PRAME: variants seen among roughly 807,000 people sequenced by gnomAD.
PRAME encodes the protein PRAME nuclear receptor transcriptional regulator.
In PRAME, 21 loss-of-function variants were observed where a neutral mutation model predicts 32.1. The observed-to-expected ratio is 0.65, with a 90% CI of 0.46 to 0.94. The LOEUF is 0.94. Among genes scored for constraint, PRAME ranks in the 40% least tolerant of loss-of-function variants. The pLI is 0.00. For synonymous variants in PRAME, 274 were observed against 251.5 expected, an observed-to-expected ratio of 1.09 and a Z score of -0.85; for missense variants, 651 against 622.3, an observed-to-expected ratio of 1.05 and a Z score of -0.49.
At position 22,547,879 on chromosome 22, in the gene PRAME, AC is replaced by A; in HGVS notation, c.*187del. 1 of 641,592 alleles carries A rather than the reference AC, an allele frequency of 1.6e-6. No individual in the cohort carries two copies. The highest frequency in any genetic ancestry group is 2.7e-6 in the Non-Finnish European group (1 of 372,128). The allele number at this position is 641,592 out of a possible 1,614,324, so 39.7% of individuals were successfully genotyped here. A position where few individuals can be genotyped will look rare whatever the true frequency, so the allele number is the denominator to read the frequency against. Reference sequence around the variant, plus strand: ...TAACTCCTCAAGTCAACATCTGCCTACCCCCAACTTCCCCTTTTTTTCCTCA... The same window carrying A: ...TAACTCCTCAAGTCAACATCTGCCTACCCCAACTTCCCCTTTTTTTCCTCA... On this transcript the variant is annotated 3_prime_UTR_variant, in exon 6 of 6. Coordinates refer to ENST00000405655, the MANE Select transcript of PRAME (RefSeq NM_206956.3).
In PRAME at chr22:22,550,004, C is replaced by G. The variant is rs768832668; in HGVS notation, c.675G>C (p.Met225Ile). The stretch of plus-strand genomic sequence containing the variant: ...AGTCCAGCTGCACCATTTTCAGGAT[C>G]ATCTTGATATCCTGCATGGGCATTG... The part of the protein sequence containing the change: ...IFAMPMQDIK[M>I]ILKMVQLDSI... Residue 225 changes from methionine to isoleucine, a missense_variant, in exon 5 of 6, where the codon ATG becomes ATC. By Grantham distance (10) the Met-to-Ile change is conservative. Coordinates refer to ENST00000405655, the MANE Select transcript of PRAME (RefSeq NM_206956.3). 2.0e-5 allele frequency: 32 copies of G among 1,613,742 alleles called. No homozygotes were observed. In the South Asian group the frequency reaches 3.4e-4, roughly 17 times the overall value.
chr22:22,553,498 G>C (rs954823097), intron 3 of PRAME, among the ~76,000 whole-genome samples: 1 of 151,926 alleles, frequency 6.6e-6, no homozygotes, highest in Non-Finnish European at 1.5e-5. Context: ...AAATTAAAAA[G>C]GGGAATGGCT....
chr22:22,555,726 C>G (rs1601835060), intron 3 of PRAME: 5 of 394,904 alleles, frequency 1.3e-5, no homozygotes, highest in South Asian at 9.5e-5. Context: ...AGTTCCAGCA[C>G]AAGTCTCCCG....
intron 3 of PRAME, chr22:22,552,743 G>C (rs1443134482): frequency 4.6e-6 from 2 of 436,902 alleles, no homozygotes; most frequent in East Asian, 1.5e-4. Flanking sequence ...GGCCCTCATG[G>C]CCCGTGGAGA....
At chr22:22,556,970 A>G in intron 2 of PRAME, 61 bp from the exon 3 acceptor site, 1 of 1,140,122 alleles carries the variant, frequency 8.8e-7, no homozygotes, top group Non-Finnish European at 1.3e-6. Context: ...TTACGAAGCA[A>G]CGGCCTCCTG....
rs901076845 is a variant in PRAME at position 22,556,702 on chromosome 22, C to T, written c.21+110G>A. 36 of 1,311,312 alleles carry T rather than the reference C, an allele frequency of 2.7e-5. 1 individual carries two copies. The Admixed American group carries it at 2.8e-4, about 10-fold the overall frequency. The allele number at this position is 1,311,312 out of a possible 1,614,324, so 81.2% of individuals were successfully genotyped here. A position where few individuals can be genotyped will look rare whatever the true frequency, so the allele number is the denominator to read the frequency against. ...ACAATAAAAGCGGCTCCTGCCTCTT[C>T]GTCTACTGTGAGGGACCTCAGGATG... On this transcript the variant is annotated intron_variant, in intron 3 of 5. Transcript: ENST00000405655.
rs570605031 is a variant in PRAME at position 22,547,861 on chromosome 22, T to G, written c.*206A>C. On this transcript the variant is annotated 3_prime_UTR_variant, in exon 6 of 6. Transcript: ENST00000405655. ...TCTCCCCAAAGATCACATTAACTCC[T>G]CAAGTCAACATCTGCCTACCCCCAA... 8.6e-5 allele frequency: 52 copies of G among 604,574 alleles called. No individual in the cohort carries two copies. The African/African-American group carries it at 8.7e-4, about 10-fold the overall frequency. 37.5% of individuals were successfully genotyped at this position (604,574 alleles called of 1,614,324 possible). A position where few individuals can be genotyped will look rare whatever the true frequency, so the allele number is the denominator to read the frequency against.
chr22:22,558,721 T>C (rs184639043), intron 1 of PRAME, among the ~76,000 whole-genome samples: 1 of 150,670 alleles, frequency 6.6e-6, no homozygotes. Flanking sequence ...GACGGGGTGT[T>C]CTGGGATCAC....
chr22:22,548,940 T>A (rs2062401726), intron 5 of PRAME, among the ~76,000 whole-genome samples: 1 of 151,872 alleles, frequency 6.6e-6, no homozygotes, highest in African/African-American at 2.4e-5. Context: ...GAGAGCCTGA[T>A]TTGATGTCTC....
intron 3 of PRAME, chr22:22,555,992 G>C (rs1362401758): frequency 5.9e-6 from 2 of 336,262 alleles, no homozygotes; most frequent in African/African-American, 4.0e-5. Flanking sequence ...AATGCATTAA[G>C]ATTTTTTTTT....
At chr22:22,553,221 A>G (rs986279949) in intron 3 of PRAME, among the ~76,000 whole-genome samples, 6 of 151,932 alleles carry the variant, frequency 3.9e-5, no homozygotes, top group Non-Finnish European at 5.9e-5. Context: ...CCCAAGTATC[A>G]AATTGTCACT....
At chr22:22,556,027 C>T in intron 3 of PRAME, 1 of 396,152 alleles carries the variant, frequency 2.5e-6, no homozygotes, top group Non-Finnish European at 5.3e-6. Flanking sequence ...GAGTTTCACT[C>T]TTGTTGCCCA....
intron 3 of PRAME, among the ~76,000 whole-genome samples, chr22:22,553,479 G>T (rs1168783015): frequency 1.3e-5 from 2 of 151,934 alleles, no homozygotes; most frequent in Non-Finnish European, 2.9e-5. Flanking sequence ...TGGCCTGGAT[G>T]GAGTAGAGAA....
chr22:22,548,027 T>TC lies in PRAME; in HGVS notation c.*39dup. The TC allele has an allele frequency of 6.4e-7, 1 of 1,556,116 alleles. No individual in the cohort carries two copies. Among genetic ancestry groups the TC allele is most frequent in the African/African-American group, 1.4e-5 (1 of 73,736 alleles). Reference sequence around the variant, plus strand: ...ATGCATGCACATCCTGGCTTTAGTGTCCAAGTATGCAGAATGAAGCATTTG... The same window carrying TC: ...ATGCATGCACATCCTGGCTTTAGTGTCCCAAGTATGCAGAATGAAGCATTTG... On this transcript the variant is annotated 3_prime_UTR_variant, in exon 6 of 6. Coordinates refer to ENST00000405655, the MANE Select transcript of PRAME (RefSeq NM_206956.3).
At chr22:22,557,213 A>C in intron 2 of PRAME, 1 of 254,004 alleles carries the variant, frequency 3.9e-6, no homozygotes, top group Non-Finnish European at 7.0e-6. Context: ...TAGGACGCCT[A>C]CGCCACTGCC....
intron 3 of PRAME, among the ~76,000 whole-genome samples, chr22:22,552,405 C>CA (rs10709082): frequency 3.7e-4 from 45 of 121,532 alleles, no homozygotes; most frequent in South Asian, 5.4e-4. Context: ...TTTTATTTTC[C>CA]AAAAAAAAAA....
At chr22:22,556,368 T>A (rs1314195821) in intron 3 of PRAME, among the ~76,000 whole-genome samples, 1 of 151,556 alleles carries the variant, frequency 6.6e-6, no homozygotes. Flanking sequence ...TGGAGTGCAG[T>A]GGCATGATCT....
At chr22:22,553,785 G>A in intron 3 of PRAME, 1 of 984,488 alleles carries the variant, frequency 1.0e-6, no homozygotes. Context: ...AATAAACAAG[G>A]GCTGAAAGCA....
chr22:22,558,664 G>A (rs1317338993), intron 1 of PRAME, among the ~76,000 whole-genome samples: 1 of 146,904 alleles, frequency 6.8e-6, no homozygotes, highest in Non-Finnish European at 1.5e-5. Flanking sequence ...GGTGCGGTGG[G>A]CGAATGGAGA....
Sources: allele counts gnomAD v4.1 joint callset (sites outside exome capture counted in the v4.1 genomes callset), GRCh38; gene constraint gnomAD v4.1.1; transcripts MANE v1.5; gene names NCBI Gene and HGNC (gene_info 2026-07-23, HGNC 2026-07-21).